The following KALRN variants were observed in gnomAD, a reference collection of about 807,000 sequenced individuals.
KALRN encodes kalirin.
KALRN carries 70 observed loss-of-function variants against 353.7 expected under a neutral mutation model. The observed-to-expected ratio is 0.20, with a 90% CI of 0.16 to 0.24. The LOEUF is 0.24. Ranked by LOEUF, KALRN falls within the 10% of genes least tolerant of loss-of-function variation. The pLI, the probability that KALRN is intolerant of heterozygous loss-of-function variation, is 1.00. For synonymous variants in KALRN, 1,391 were observed against 1,434.8 expected (o/e 0.97, Z 0.69); for missense variants, 2,791 against 3,756.7 (o/e 0.74, Z 6.72).
intron 1 of KALRN, among the ~76,000 whole-genome samples, chr3:124,041,559 C>T (rs1483286471): frequency 6.6e-6 from 1 of 152,126 alleles, no homozygotes; most frequent in African/African-American, 2.4e-5. Flanking sequence ...GTCAGGGGAC[C>T]CCTTTTTTCT....
At chr3:124,637,057 A>C in intron 36 of KALRN, 151 bp from the exon 37 acceptor site, 1 of 665,734 alleles carries the variant, frequency 1.5e-6, no homozygotes. Flanking sequence ...TATTACACCC[A>C]CACTCTTCTC....
chr3:124,607,138 A>G (rs1227170293), intron 34 of KALRN, among the ~76,000 whole-genome samples: 8 of 152,256 alleles, frequency 5.3e-5, no homozygotes, highest in Non-Finnish European at 1.2e-4. Flanking sequence ...ATAGCGAACA[A>G]GAACATGGAC....
chr3:124,211,076 G>A (rs1406969188), intron 1 of KALRN, among the ~76,000 whole-genome samples: 2 of 152,222 alleles, frequency 1.3e-5, no homozygotes, highest in East Asian at 3.8e-4. Context: ...GGTTTCTGCA[G>A]TTTGGCTGTT....
intron 10 of KALRN, among the ~76,000 whole-genome samples, chr3:124,357,465 T>G (rs2083547991): frequency 6.6e-6 from 1 of 152,242 alleles, no homozygotes; most frequent in African/African-American, 2.4e-5. Flanking sequence ...ATTACTTTGT[T>G]TGGCTTTACC....
intron 10 of KALRN, among the ~76,000 whole-genome samples, chr3:124,382,963 T>G (rs1484421784): frequency 1.3e-5 from 2 of 152,236 alleles, no homozygotes; most frequent in African/African-American, 4.8e-5. Flanking sequence ...TTTAACCCAG[T>G]GGCAAAACTA....
At chr3:124,374,885 G>A (rs1361596650) in intron 10 of KALRN, among the ~76,000 whole-genome samples, 3 of 152,180 alleles carry the variant, frequency 2.0e-5, no homozygotes, top group Admixed American at 6.5e-5. Context: ...GCCTTATTCT[G>A]TTCCATGGGG....
chr3:124,379,265 A>C (rs947229434), intron 10 of KALRN, among the ~76,000 whole-genome samples: 13 of 152,158 alleles, frequency 8.5e-5, no homozygotes, highest in African/African-American at 3.1e-4. Flanking sequence ...CTATCTGAAC[A>C]TATGGAATAC....
intron 1 of KALRN, among the ~76,000 whole-genome samples, chr3:124,098,951 T>G (rs149135314): frequency 8.3e-4 from 126 of 152,336 alleles, no homozygotes; most frequent in African/African-American, 2.9e-3. Flanking sequence ...TATGCTGAAT[T>G]AGGCTTCTAA....
intron 9 of KALRN, among the ~76,000 whole-genome samples, chr3:124,346,840 T>G (rs113650214): frequency 1.3e-5 from 2 of 152,318 alleles, no homozygotes; most frequent in African/African-American, 4.8e-5. Flanking sequence ...GGGGTTAAAC[T>G]GTGCCTGATG....
chr3:124,614,241 CTTATTTATTTATTTAT>C (rs10666219), intron 34 of KALRN, among the ~76,000 whole-genome samples: 200 of 142,944 alleles, frequency 1.4e-3, no homozygotes, highest in Middle Eastern at 3.5e-3. Context: ...TTCTAAAATT[CTTATTTATTTATTTAT>C]TTATTTATTT....
intron 34 of KALRN, among the ~76,000 whole-genome samples, chr3:124,629,922 C>A (rs2080571409): frequency 6.6e-6 from 1 of 151,992 alleles, no homozygotes; most frequent in African/African-American, 2.4e-5. Context: ...TAATACATGA[C>A]CTAATCAGTG....
intron 37 of KALRN, among the ~76,000 whole-genome samples, chr3:124,645,344 T>A (rs933075495): frequency 6.6e-6 from 1 of 152,252 alleles, no homozygotes; most frequent in African/African-American, 2.4e-5. Flanking sequence ...AGATCCCATT[T>A]GTCAATTTTG....
At chr3:124,117,320 G>GT (rs573014538) in intron 1 of KALRN, among the ~76,000 whole-genome samples, 15,355 of 143,570 alleles carry the variant, frequency 0.11, 2,116 homozygotes, top group African/African-American at 0.33. Context: ...GAAAAACAGT[G>GT]TTTTTTTTTT....
At position 124,446,769 on chromosome 3, in the gene KALRN, G is replaced by A. The variant is rs760720956; in HGVS notation, c.3436G>A (p.Asp1146Asn). The change falls in exon 21 of 60, where the codon GAC becomes AAC. Residue 1146 changes from aspartate (D) to asparagine (N), a missense_variant. By Grantham distance (23) the Asp-to-Asn change is conservative. Around this residue, in one of 11 missense-constraint regions of KALRN, gnomAD observed 268 missense variants for 347.0 expected, o/e 0.77. Transcript: ENST00000682506. ...GAGTTGTTTCCTCCCATAGGCGCTTGACTGGATCCAAGAAACAGGTGAATT... is the reference window on the plus strand; with the variant it reads ...GAGTTGTTTCCTCCCATAGGCGCTTAACTGGATCCAAGAAACAGGTGAATT... ...VFERSAKQAL[D>N]WIQETGEFYL... 6.2e-7 allele frequency: 1 copy of A among 1,614,098 alleles called. No homozygotes were observed. The highest frequency in any genetic ancestry group is 8.5e-7 in the Non-Finnish European group (1 of 1,180,006).
chr3:124,320,752 G>A (rs943184788), intron 6 of KALRN, among the ~76,000 whole-genome samples: 1 of 152,162 alleles, frequency 6.6e-6, no homozygotes, highest in Non-Finnish European at 1.5e-5. Context: ...CACCTTATTG[G>A]CTGATTCTGA....
intron 5 of KALRN, among the ~76,000 whole-genome samples, chr3:124,281,593 C>T (rs1184409073): frequency 6.6e-6 from 1 of 152,246 alleles, no homozygotes; most frequent in African/African-American, 2.4e-5. Flanking sequence ...CCTCCCCCAG[C>T]TGAAGGTCCA....
chr3:124,534,705 G>A (rs2068362652), intron 33 of KALRN, among the ~76,000 whole-genome samples: 1 of 152,158 alleles, frequency 6.6e-6, no homozygotes, highest in Admixed American at 6.5e-5. Flanking sequence ...AGAGGAAGCT[G>A]TGGTAAGGAA....
At chr3:124,107,141 A>T (rs893654713) in intron 1 of KALRN, among the ~76,000 whole-genome samples, 1 of 152,224 alleles carries the variant, frequency 6.6e-6, no homozygotes, top group African/African-American at 2.4e-5. Context: ...TTCATGCTAA[A>T]TGAAATCTGT....
intron 34 of KALRN, among the ~76,000 whole-genome samples, chr3:124,625,032 G>A (rs2079776031): frequency 6.6e-6 from 1 of 152,200 alleles, no homozygotes; most frequent in African/African-American, 2.4e-5. Flanking sequence ...AAAAAAGTCA[G>A]TCATGGAATT....
Sources: gnomAD v4.1 joint callset for allele counts (sites outside exome capture counted in the v4.1 genomes callset) on GRCh38, gnomAD v4.1.1 for gene constraint, gnomAD v4.1.1 regional missense constraint, MANE v1.5 for transcripts, NCBI Gene and HGNC (gene_info 2026-07-23, HGNC 2026-07-21) for gene names.